CA10: variants seen among roughly 807,000 people sequenced by gnomAD.
CA10 encodes carbonic anhydrase 10 (inactive), also known as carbonic anhydrase-related protein 10.
A neutral mutation model predicts 44.2 loss-of-function variants in CA10; 14 were observed. That is an observed-to-expected ratio of 0.32 (90% CI 0.21 to 0.50). The LOEUF (loss-of-function observed/expected upper bound fraction) is 0.50. Among genes scored for constraint, CA10 ranks in the 20% least tolerant of loss-of-function variants. The probability of loss-of-function intolerance (pLI) is 0.99; values close to 1 mark genes in which losing one functional copy is unlikely to be tolerated. For synonymous variants in CA10, 159 were observed against 141.6 expected (o/e 1.12, Z -0.87); for missense variants, 350 against 409.7 (o/e 0.85, Z 1.26).
chr17:51,726,365 A>G (rs1916522628), intron 4 of CA10, among the ~76,000 whole-genome samples: 1 of 152,228 alleles, frequency 6.6e-6, no homozygotes. Flanking sequence ...GATCTATTGT[A>G]TAACACAGTG....
intron 4 of CA10, among the ~76,000 whole-genome samples, chr17:51,709,509 A>G (rs1009450836): frequency 2.0e-5 from 3 of 152,226 alleles, no homozygotes; most frequent in African/African-American, 4.8e-5. Flanking sequence ...GTGCATTCAT[A>G]TCACCTGGGA....
intron 3 of CA10, among the ~76,000 whole-genome samples, chr17:51,889,369 A>G (rs969542756): frequency 6.6e-6 from 1 of 152,036 alleles, no homozygotes; most frequent in African/African-American, 2.4e-5. Context: ...GAAAAATACA[A>G]AAAAATTAGC....
At chr17:51,815,380 G>T (rs1470133299) in intron 3 of CA10, among the ~76,000 whole-genome samples, 1 of 152,182 alleles carries the variant, frequency 6.6e-6, no homozygotes. Flanking sequence ...TTGTTCCGTT[G>T]CCTGAGAGTC....
chr17:51,811,654 A>G (rs1907372209), intron 3 of CA10, among the ~76,000 whole-genome samples: 1 of 152,114 alleles, frequency 6.6e-6, no homozygotes, highest in Non-Finnish European at 1.5e-5. Flanking sequence ...CATGGTGTAT[A>G]TGTGCCACAT....
chr17:51,929,585 T>A (rs899647802), intron 3 of CA10, among the ~76,000 whole-genome samples: 4 of 152,152 alleles, frequency 2.6e-5, no homozygotes, highest in Non-Finnish European at 5.9e-5. Flanking sequence ...AATGCAATTA[T>A]CCCCTACATC....
intron 4 of CA10, among the ~76,000 whole-genome samples, chr17:51,744,803 T>C (rs1477269186): frequency 6.6e-6 from 1 of 152,294 alleles, no homozygotes; most frequent in East Asian, 1.9e-4. Flanking sequence ...TGCCAAACTC[T>C]TCTTGCTTGC....
chr17:51,866,709 T>C (rs1979562294), intron 3 of CA10, among the ~76,000 whole-genome samples: 1 of 152,174 alleles, frequency 6.6e-6, no homozygotes, highest in Admixed American at 6.5e-5. Flanking sequence ...TATACCACTT[T>C]TAGGGTGGTT....
chr17:52,048,206 A>G (rs1286516139), intron 2 of CA10, among the ~76,000 whole-genome samples: 2 of 152,008 alleles, frequency 1.3e-5, no homozygotes, highest in African/African-American at 4.8e-5. Flanking sequence ...TGGTTTTAGT[A>G]TATATTTCAG....
chr17:51,820,404 T>TCCCC (rs1567850403), intron 3 of CA10, among the ~76,000 whole-genome samples: 7 of 21,608 alleles, frequency 3.2e-4, no homozygotes, highest in African/African-American at 5.5e-4. Context: ...GGGATTCCCC[T>TCCCC]ACCCCCCCCC....
At chr17:51,888,992 G>T (rs983948638) in intron 3 of CA10, among the ~76,000 whole-genome samples, 4 of 152,148 alleles carry the variant, frequency 2.6e-5, no homozygotes, top group African/African-American at 7.2e-5. Context: ...AAGGCTGACA[G>T]TTGCTCTTAG....
intron 3 of CA10, among the ~76,000 whole-genome samples, chr17:51,862,953 G>C (rs1979379801): frequency 6.6e-6 from 1 of 151,998 alleles, no homozygotes; most frequent in South Asian, 2.1e-4. Context: ...AGACATTAAG[G>C]CTTCAATACA....
rs113165332 is a variant in CA10 at position 51,839,804 on chromosome 17, A to T, written c.279+91186T>A. On this transcript the variant is annotated intron_variant, in intron 3 of 8. Coordinates refer to ENST00000451037, the MANE Select transcript of CA10 (RefSeq NM_020178.5). ...GAAGAGATGCAAATATAGCTCTGGC[A>T]GAGGAATCCACATGAAAATCAATTC... Among the ~76,000 whole-genome samples, 763 of 152,360 alleles carry T rather than the reference A, an allele frequency of 5.0e-3. 2 individuals carry two copies. The highest frequency in any genetic ancestry group is 8.3e-3 in the Non-Finnish European group (562 of 68,034).
intron 1 of CA10, among the ~76,000 whole-genome samples, chr17:52,105,070 G>A (rs1052317982): frequency 5.3e-5 from 8 of 152,062 alleles, no homozygotes; most frequent in African/African-American, 1.7e-4. Flanking sequence ...GGGCAACATG[G>A]GTAATTTTAA....
In CA10 at chr17:51,856,121, C is replaced by T. The variant is rs555873108; in HGVS notation, c.279+74869G>A. ...TTTCTAATGTTTCTAGCATTCCCGA[C>T]CTGTCCCCTGGACAATCCTGTCTCT... On this transcript the variant is annotated intron_variant, in intron 3 of 8. Transcript: ENST00000451037. Among the ~76,000 whole-genome samples the T allele has an allele frequency of 3.0e-4, 45 of 152,314 alleles. 1 individual carries two copies. Among genetic ancestry groups the T allele is most frequent in the African/African-American group, 1.1e-3 (45 of 41,574 alleles).
At chr17:51,850,186 C>T (rs1011763252) in intron 3 of CA10, among the ~76,000 whole-genome samples, 3 of 152,184 alleles carry the variant, frequency 2.0e-5, no homozygotes, top group Non-Finnish European at 4.4e-5. Flanking sequence ...CAGTGTATTA[C>T]AGGTGCCTGG....
Position 51,747,768 on chromosome 17 carries a change from G to A in CA10, c.330C>T (p.Asp110=), listed in dbSNP as rs1904749831. ...NTGRHVSLRL[D]KEHLVNISGG... Reference sequence around the variant, plus strand: ...CAGATATGTTGACCAAGTGCTCCTTGTCCAGGCGAAGGGATACGTGTCTTC... The same window carrying A: ...CAGATATGTTGACCAAGTGCTCCTTATCCAGGCGAAGGGATACGTGTCTTC... The change falls in exon 4 of 9, where the codon GAC becomes GAT. Residue 110 remains aspartate (D), a synonymous_variant. Coordinates refer to ENST00000451037, the MANE Select transcript of CA10 (RefSeq NM_020178.5). The A allele has an allele frequency of 6.2e-7, 1 of 1,614,094 alleles. No homozygotes were observed. The highest frequency in any genetic ancestry group is 8.5e-7 in the Non-Finnish European group (1 of 1,179,966).
chr17:51,816,462 T>C (rs929025621), intron 3 of CA10, among the ~76,000 whole-genome samples: 11 of 152,298 alleles, frequency 7.2e-5, no homozygotes, highest in African/African-American at 2.6e-4. Flanking sequence ...ATATGGTAGC[T>C]CTGTTTTTAG....
intron 2 of CA10, among the ~76,000 whole-genome samples, chr17:51,961,188 AACAC>A (rs71149387): frequency 0.14 from 20,516 of 144,820 alleles, 1,492 homozygotes; most frequent in South Asian, 0.27. Context: ...TGTACACACA[AACAC>A]ACACACACAC....
At chr17:51,995,068 T>C (rs995634462) in intron 2 of CA10, among the ~76,000 whole-genome samples, 2 of 152,038 alleles carry the variant, frequency 1.3e-5, no homozygotes, top group East Asian at 3.9e-4. Context: ...CTGAATGTGA[T>C]GGCAACCCAG....
Sources: allele counts gnomAD v4.1 joint callset (sites outside exome capture counted in the v4.1 genomes callset), GRCh38; gene constraint gnomAD v4.1.1; transcripts MANE v1.5; gene names NCBI Gene and HGNC (gene_info 2026-07-23, HGNC 2026-07-21).